Variants in OTUD4 observed in about 807,000 individuals in gnomAD.
OTUD4 encodes OTU domain-containing protein 4.
A neutral mutation model predicts 130.4 loss-of-function variants in OTUD4; 24 were observed. The ratio of observed to expected loss-of-function variants is 0.18; its 90% confidence interval spans 0.13 to 0.26. The LOEUF is 0.26. OTUD4 is among the 10% of genes least tolerant of loss of function. The probability of loss-of-function intolerance (pLI) is 1.00; values close to 1 mark genes in which losing one functional copy is unlikely to be tolerated. For synonymous variants in OTUD4, 420 were observed against 472.5 expected (o/e 0.89, Z 1.44); for missense variants, 1,031 against 1,329.4 (o/e 0.78, Z 3.49).
chr4:145,179,801 C>A lies in OTUD4; in HGVS notation c.159+14G>T, dbSNP rs1191650225. The stretch of plus-strand genomic sequence containing the variant: ...CGCCTCCCCTCGAAGCCCTCCCCGC[C>A]CCCCCGCAATTACCTGCTCCGCCAC... On this transcript the variant is annotated intron_variant, in intron 1 of 20. Transcript: ENST00000447906. The A allele has an allele frequency of 6.6e-7, 1 of 1,508,300 alleles. No homozygotes were observed. The highest frequency in any genetic ancestry group is 8.8e-7 in the Non-Finnish European group (1 of 1,131,338). 93.4% of individuals were successfully genotyped at this position (1,508,300 alleles called of 1,614,324 possible).
At chr4:145,174,541 A>G (rs1188830271) in intron 2 of OTUD4, 120 bp downstream of exon 2, 2 of 608,726 alleles carry the variant, frequency 3.3e-6, no homozygotes. Context: ...TTTTTTTAAT[A>G]AGTGTTATTT....
chr4:145,151,899 C>A (rs1011936312), intron 11 of OTUD4, among the ~76,000 whole-genome samples: 1 of 152,172 alleles, frequency 6.6e-6, no homozygotes, highest in African/African-American at 2.4e-5. Flanking sequence ...CTGACAAACA[C>A]TGACTGAATA....
intron 6 of OTUD4, among the ~76,000 whole-genome samples, chr4:145,159,861 A>G (rs1388803921): frequency 6.6e-6 from 1 of 152,252 alleles, no homozygotes. Flanking sequence ...CGCAAAAGAC[A>G]GTGCCATTTT....
chr4:145,151,557 C>T lies in OTUD4; in HGVS notation c.969-652G>A, dbSNP rs1751070271. On this transcript the variant is annotated intron_variant, in intron 11 of 20. Transcript: ENST00000447906. ...GGCTGAGGCAGGAGAATCACTTGAA[C>T]CCGGGAAGCGGAGGTTGCAGTGAGC... 2.0e-5 allele frequency among the ~76,000 whole-genome samples: 3 copies of T among 152,094 alleles called. No homozygotes were observed. In the South Asian group the frequency reaches 6.2e-4, roughly 32 times the overall value.
intron 3 of OTUD4, among the ~76,000 whole-genome samples, chr4:145,168,024 TA>T (rs559130217): frequency 7.3e-5 from 11 of 150,528 alleles, no homozygotes; most frequent in East Asian, 3.9e-4. Flanking sequence ...TTAAATTATT[TA>T]AAAAAAAAAT....
At chr4:145,150,484 T>C (rs967001326) in intron 13 of OTUD4, 29 bp downstream of exon 13, 7 of 1,508,930 alleles carry the variant, frequency 4.6e-6, no homozygotes, top group Non-Finnish European at 6.4e-6. Context: ...ACTTGATTTC[T>C]ATACTTCTCT....
chr4:145,171,443 T>C, intron 3 of OTUD4: 1 of 425,022 alleles, frequency 2.4e-6, no homozygotes, highest in Non-Finnish European at 4.2e-6. Context: ...TACATGCCAT[T>C]ATAGCCAAGA....
Position 145,144,425 on chromosome 4 carries a change from C to T in OTUD4, c.1432G>A (p.Val478Ile), listed in dbSNP as rs367618661. 4 of 1,610,480 alleles carry T rather than the reference C, an allele frequency of 2.5e-6. No homozygotes were observed. In the African/African-American group the frequency reaches 4.0e-5, roughly 16 times the overall value. ...CTACTCTGAGAAGCTGACTGATTGACTGATGAGCTCTTTAAAATGAACAAA... is the reference window on the plus strand; with the variant it reads ...CTACTCTGAGAAGCTGACTGATTGATTGATGAGCTCTTTAAAATGAACAAA... ...QAFPALSSSS[V>I]NQSASQSSNP... Residue 478 changes from valine to isoleucine, a missense_variant, in exon 15 of 21, where the codon GTC (valine) becomes ATC (isoleucine). Physicochemically the swap from Val to Ile is conservative, Grantham distance 29. Around this residue, in one of 3 missense-constraint regions of OTUD4, gnomAD observed 900 missense variants for 1,095.9 expected, o/e 0.82. Transcript: ENST00000447906.
In OTUD4 at chr4:145,147,580, C is replaced by T. The variant is rs574456421; in HGVS notation, c.1260-1151G>A. 7.9e-5 allele frequency among the ~76,000 whole-genome samples: 12 copies of T among 152,296 alleles called. No individual in the cohort carries two copies. The South Asian group carries it at 1.9e-3, about 24-fold the overall frequency. The stretch of plus-strand genomic sequence containing the variant: ...CCACACAGAGAGAAGCTACTACTAC[C>T]TATTTTCATCTAGCTTGAAGACAGA... On this transcript the variant is annotated intron_variant, in intron 13 of 20. Coordinates refer to ENST00000447906, the MANE Select transcript of OTUD4 (RefSeq NM_001366057.1).
rs1331455321 is a variant in OTUD4 at position 145,137,397 on chromosome 4, A to G, written c.*33T>C. ...AGCCTTCAGAAACATTCCACCTAAG[A>G]GTTTCTGTTAGAAAATACTTCGGCA... On this transcript the variant is annotated 3_prime_UTR_variant, in exon 21 of 21. Transcript: ENST00000447906. The G allele has an allele frequency of 3.2e-6, 5 of 1,538,520 alleles. No individual in the cohort carries two copies. In the East Asian group the frequency reaches 6.8e-5, roughly 21 times the overall value.
intron 7 of OTUD4, chr4:145,159,201 T>G: frequency 9.3e-7 from 1 of 1,080,488 alleles, no homozygotes; most frequent in Non-Finnish European, 1.1e-6. Flanking sequence ...CAAGTTAACT[T>G]TAAAATTTTA....
intron 10 of OTUD4, among the ~76,000 whole-genome samples, chr4:145,154,859 G>A (rs1751214880): frequency 6.6e-6 from 1 of 152,096 alleles, no homozygotes; most frequent in Non-Finnish European, 1.5e-5. Context: ...GCGGGGGGCA[G>A]AGTGAGGGTT....
At position 145,170,332 on chromosome 4, in the gene OTUD4, C is replaced by T. The variant is rs118014258; in HGVS notation, c.294+1338G>A. Among the ~76,000 whole-genome samples the T allele has an allele frequency of 2.8e-4, 43 of 152,328 alleles. No homozygotes were observed. In the East Asian group the frequency reaches 6.2e-3, roughly 22 times the overall value. ...AACCTGCCTTCCAACTCCTTTCTCA[C>T]CACTTCTTATCTTCACATACTCAAT... On this transcript the variant is annotated intron_variant, in intron 3 of 20. Coordinates refer to ENST00000447906, the MANE Select transcript of OTUD4 (RefSeq NM_001366057.1).
At chr4:145,164,263 A>C in intron 4 of OTUD4, 37 bp from the exon 5 acceptor site, 1 of 936,072 alleles carries the variant, frequency 1.1e-6, no homozygotes. Flanking sequence ...ATAATGGACT[A>C]TACTTCATGA....
At chr4:145,163,469 A>G (rs1280310272) in intron 5 of OTUD4, among the ~76,000 whole-genome samples, 2 of 152,322 alleles carry the variant, frequency 1.3e-5, no homozygotes, top group South Asian at 4.1e-4. Flanking sequence ...CACTAGGGAA[A>G]TATTTATGAT....
Position 145,134,919 on chromosome 4 carries a change from A to T in OTUD4, c.*2511T>A. ...TCATAATTTCCAACTCAAAAATACA[A>T]ATGATCCTCAGTTCTATACTTTTGC... On this transcript the variant is annotated 3_prime_UTR_variant, in exon 21 of 21. Coordinates refer to ENST00000447906, the MANE Select transcript of OTUD4 (RefSeq NM_001366057.1). 1 of 398,844 alleles carries T rather than the reference A, an allele frequency of 2.5e-6. No homozygotes were observed. The highest frequency in any genetic ancestry group is 4.4e-6 in the Non-Finnish European group (1 of 225,904). 24.7% of individuals were successfully genotyped at this position (398,844 alleles called of 1,614,324 possible). A position where few individuals can be genotyped will look rare whatever the true frequency, so the allele number is the denominator to read the frequency against.
At chr4:145,140,163 T>C (rs1335142199) in intron 19 of OTUD4, among the ~76,000 whole-genome samples, 172 bp from the exon 20 acceptor site, 1 of 152,092 alleles carries the variant, frequency 6.6e-6, no homozygotes, top group African/African-American at 2.4e-5. Flanking sequence ...CAAAAACAGG[T>C]TGTTCCCAAA....
At chr4:145,168,427 AAG>A (rs1554001005) in intron 3 of OTUD4, among the ~76,000 whole-genome samples, 1 of 149,946 alleles carries the variant, frequency 6.7e-6, no homozygotes, top group Admixed American at 6.6e-5. Flanking sequence ...AAAAAAAAAA[AAG>A]AAAATGGAAA....
chr4:145,171,737 T>G lies in OTUD4; in HGVS notation c.244-17A>C. The G allele has an allele frequency of 8.9e-7, 1 of 1,124,056 alleles. No homozygotes were observed. Among genetic ancestry groups the G allele is most frequent in the African/African-American group, 1.5e-5 (1 of 65,338 alleles). The allele number at this position is 1,124,056 out of a possible 1,614,324, so 69.6% of individuals were successfully genotyped here. A position where few individuals can be genotyped will look rare whatever the true frequency, so the allele number is the denominator to read the frequency against. On this transcript the variant is annotated splice_polypyrimidine_tract_variant and intron_variant, in intron 2 of 20. Coordinates refer to ENST00000447906, the MANE Select transcript of OTUD4 (RefSeq NM_001366057.1). ...TTCTATAAACTGCAAAAAATAAATC[T>G]ATTAGAAATGTCATCTAACATATAT... is the stretch of plus-strand genomic sequence containing the variant.
Sources: gnomAD v4.1 joint callset for allele counts (sites outside exome capture counted in the v4.1 genomes callset) on GRCh38, gnomAD v4.1.1 for gene constraint, gnomAD v4.1.1 regional missense constraint, MANE v1.5 for transcripts, NCBI Gene and HGNC (gene_info 2026-07-23, HGNC 2026-07-21) for gene names.